Variants in KIF7 observed in about 807,000 individuals in gnomAD.
The protein encoded by KIF7 is kinesin-like protein KIF7.
A neutral mutation model predicts 135.7 loss-of-function variants in KIF7; 104 were observed. That is an observed-to-expected ratio of 0.77 (90% confidence interval 0.65 to 0.90). The LOEUF is 0.90. Among genes scored for constraint, KIF7 ranks in the 40% least tolerant of loss-of-function variants. KIF7 has a pLI of 0.00. For synonymous variants in KIF7, 883 were observed against 809.4 expected (o/e 1.09, Z -1.54); for missense variants, 2,005 against 1,839.1 (o/e 1.09, Z -1.65).
chr15:89,624,886 C>A, downstream of KIF7: 1 of 1,614,148 alleles, frequency 6.2e-7, no homozygotes, highest in Non-Finnish European at 8.5e-7. Flanking sequence ...CCGTGACGTG[C>A]ACTGTACCAC....
rs745692244 is a variant in KIF7, at chr15:89,631,729, G to A, written c.2896-19C>T. 1 of 1,544,192 alleles carries A rather than the reference G, an allele frequency of 6.5e-7. No homozygotes were observed. The highest frequency in any genetic ancestry group is 8.8e-7 in the Non-Finnish European group (1 of 1,142,200). On this transcript the variant is annotated intron_variant, in intron 14 of 18. Coordinates refer to ENST00000394412, the MANE Select transcript of KIF7 (RefSeq NM_198525.3). ...TGAGGGCCTGGGGGCAGAATCACCA[G>A]GGATTAGAGAAGGAACAGGCACTGT...
At chr15:89,632,196 G>A (rs956802023) in intron 14 of KIF7, among the ~76,000 whole-genome samples, 3 of 152,174 alleles carry the variant, frequency 2.0e-5, no homozygotes, top group African/African-American at 2.4e-5. Flanking sequence ...TGGCCTCTGC[G>A]GGCCTAGGAC....
chr15:89,629,242 C>T (rs1465358713), intron 17 of KIF7, 120 bp from the exon 18 acceptor site: 21 of 1,050,850 alleles, frequency 2.0e-5, no homozygotes, highest in African/African-American at 3.7e-5. Context: ...TGGGCCGGGC[C>T]ACCAGGGCTG....
intron 1 of KIF7, among the ~76,000 whole-genome samples, chr15:89,654,537 G>A (rs574975367): frequency 1.3e-5 from 2 of 151,916 alleles, no homozygotes; most frequent in East Asian, 3.9e-4. Context: ...ACCACGACAC[G>A]CACACAACCC....
At chr15:89,630,832 G>A (rs2141996759) in intron 15 of KIF7, 1 of 427,580 alleles carries the variant, frequency 2.3e-6, no homozygotes, top group African/African-American at 2.0e-5. Context: ...CTACAGATGG[G>A]GATACGTTCT....
chr15:89,635,606 G>A (rs1963789474), intron 11 of KIF7, among the ~76,000 whole-genome samples: 1 of 152,188 alleles, frequency 6.6e-6, no homozygotes, highest in South Asian at 2.1e-4. Context: ...ATGAAATGAA[G>A]CGAGAAGGGA....
Position 89,635,721 on chromosome 15 carries a change from G to A in KIF7, c.2395-1838C>T, listed in dbSNP as rs563466954. 9.5e-3 allele frequency among the ~76,000 whole-genome samples: 1,447 copies of A among 152,172 alleles called. 29 individuals carry two copies. Among genetic ancestry groups the A allele is most frequent in the African/African-American group, 0.033 (1,389 of 41,488 alleles). ...TTTGACTGGTGTACCTGAAAGTGAC[G>A]GGGAGAATGGAACCAAGTTGGAAAA... On this transcript the variant is annotated intron_variant, in intron 11 of 18. Coordinates refer to ENST00000394412, the MANE Select transcript of KIF7 (RefSeq NM_198525.3).
intron 2 of KIF7, 25 bp from the exon 3 acceptor site, chr15:89,649,966 TGCCACTTCAGCTG>T (rs751760282): frequency 2.6e-5 from 40 of 1,546,716 alleles, no homozygotes; most frequent in Non-Finnish European, 3.4e-5. Flanking sequence ...CAGGGCCTCC[TGCCACTTCAGCTG>T]GACACGGCCC....
intron 11 of KIF7, among the ~76,000 whole-genome samples, chr15:89,635,642 A>T (rs139764047): frequency 0.028 from 4,293 of 152,282 alleles, 199 homozygotes; most frequent in African/African-American, 0.098. Context: ...GAATAAAAAG[A>T]AATGAGCAAA....
intron 1 of KIF7, among the ~76,000 whole-genome samples, chr15:89,622,463 T>C (rs941529065): frequency 6.6e-6 from 1 of 152,254 alleles, no homozygotes; most frequent in African/African-American, 2.4e-5. Flanking sequence ...TTCACTTTGC[T>C]TAAAGCTCTA....
At chr15:89,627,312 G>A (rs1201413588), downstream of KIF7, 4 of 529,814 alleles carry the variant, frequency 7.5e-6, no homozygotes, top group Non-Finnish European at 1.3e-5. Flanking sequence ...TGTGATTGGT[G>A]CTATAACTCA....
Position 89,649,359 on chromosome 15 carries a change from C to G in KIF7, c.538G>C (p.Gly180Arg). 1 of 1,457,812 alleles carries G rather than the reference C, an allele frequency of 6.9e-7. No individual in the cohort carries two copies. The highest frequency in any genetic ancestry group is 9.1e-7 in the Non-Finnish European group (1 of 1,102,084). 90.3% of individuals were successfully genotyped at this position (1,457,812 alleles called of 1,614,324 possible). The change falls in exon 4 of 19, where the codon GGG becomes CGG. Residue 180 changes from glycine to arginine, a missense_variant. Physicochemically the swap from Gly to Arg is moderately radical, Grantham distance 125. Coordinates refer to ENST00000394412, the MANE Select transcript of KIF7 (RefSeq NM_198525.3). ...CCCTCCACGTCGACCTCCTTCACCC[C>G]GCACAGCACTGCGGGCACAGAAGGC... ...EDERGNVVLCGVKEVDVEGLD... is the reference protein window; with the variant it reads ...EDERGNVVLCRVKEVDVEGLD...
Position 89,642,405 on chromosome 15 carries a change from C to A in KIF7, c.2192G>T (p.Gly731Val), listed in dbSNP as rs1963940738. ...EELIGELVRT[G>V]KAAQALNRQH... Reference sequence around the variant, plus strand: ...GCGGTTCAGGGCCTGAGCTGCCTTTCCTGGAAGAAAGCGGGAATGTCAGCA... The same window carrying A: ...GCGGTTCAGGGCCTGAGCTGCCTTTACTGGAAGAAAGCGGGAATGTCAGCA... The change falls in exon 11 of 19, where the codon GGA becomes GTA. Residue 731 changes from glycine (G) to valine (V), a missense_variant and splice_region_variant. Gly to Val is a moderately radical substitution (Grantham distance 109). Coordinates refer to ENST00000394412, the MANE Select transcript of KIF7 (RefSeq NM_198525.3). 3.1e-6 allele frequency: 5 copies of A among 1,596,962 alleles called. No individual in the cohort carries two copies. Among genetic ancestry groups the A allele is most frequent in the Admixed American group, 1.7e-5 (1 of 58,412 alleles).
rs143316368 is a variant in KIF7 at position 89,629,003 on chromosome 15, C to A, written c.3637G>T (p.Gly1213Cys). 6 of 1,613,612 alleles carry A rather than the reference C, an allele frequency of 3.7e-6. No homozygotes were observed. Among genetic ancestry groups the A allele is most frequent in the Non-Finnish European group, 5.1e-6 (6 of 1,179,966 alleles). ...CTGCTGTGGCCTACAGCGTTCACAC[C>A]GCCGAGCTTCTGTTTCAGTTCCTGG... Reference protein sequence around the residue: ...INQELKQKLGGVNAVGHSRGG... With the variant: ...INQELKQKLGCVNAVGHSRGG... Residue 1213 changes from glycine to cysteine, a missense_variant, in exon 18 of 19, where the codon GGT (glycine) becomes TGT (cysteine). Physicochemically the swap from Gly to Cys is radical, Grantham distance 159 (BLOSUM62 -3). Transcript: ENST00000394412.
At chr15:89,619,199 G>C (rs1963382869) in intron 1 of KIF7, among the ~76,000 whole-genome samples, 2 of 138,678 alleles carry the variant, frequency 1.4e-5, no homozygotes, top group African/African-American at 2.7e-5. Context: ...ATAAATACTT[G>C]TTTTCGCCCT....
chr15:89,631,235 GAA>G (rs1963667855), intron 15 of KIF7, among the ~76,000 whole-genome samples: 1 of 152,210 alleles, frequency 6.6e-6, no homozygotes, highest in Admixed American at 6.5e-5. Context: ...ATGCAGCACA[GAA>G]CAGGAGTCCA....
chr15:89,628,408 G>GC lies in KIF7; in HGVS notation c.*10dup. 1 of 1,599,258 alleles carries GC rather than the reference G, an allele frequency of 6.3e-7. No individual in the cohort carries two copies. Among genetic ancestry groups the GC allele is most frequent in the Non-Finnish European group, 8.5e-7 (1 of 1,172,920 alleles). On this transcript the variant is annotated 3_prime_UTR_variant, in exon 19 of 19. Coordinates refer to ENST00000394412, the MANE Select transcript of KIF7 (RefSeq NM_198525.3). ...GGAGTCTCCCTCCAAGGCAGGGTCT[G>GC]CCCCGAGGGCTTACAGGGGGTTTTT...
At chr15:89,626,726 G>A (rs916840287), downstream of KIF7, among the ~76,000 whole-genome samples, 4 of 152,124 alleles carry the variant, frequency 2.6e-5, no homozygotes, top group Admixed American at 1.3e-4. Context: ...CAAACCACAG[G>A]TACTTTGCAT....
chr15:89,642,898 A>G (rs898838367), intron 10 of KIF7, among the ~76,000 whole-genome samples: 1 of 152,204 alleles, frequency 6.6e-6, no homozygotes. Flanking sequence ...AGCCTCATCC[A>G]CTGCAGCGAC....
Sources: gnomAD v4.1 joint callset for allele counts (sites outside exome capture counted in the v4.1 genomes callset) on GRCh38, gnomAD v4.1.1 for gene constraint, MANE v1.5 for transcripts, NCBI Gene and HGNC (gene_info 2026-07-23, HGNC 2026-07-21) for gene names.